Variants in METTL24 observed in about 807,000 individuals in gnomAD.
METTL24 encodes methyltransferase like 24.
METTL24 carries 29 observed loss-of-function variants against 32.7 expected under a neutral mutation model. The observed-to-expected ratio is 0.89, with a 90% CI of 0.66 to 1.21. METTL24 has a LOEUF of 1.21. Ranked by LOEUF, METTL24 falls within the 50% of genes most tolerant of loss-of-function variation. The probability of loss-of-function intolerance (pLI) is 0.00; values close to 1 mark genes in which losing one functional copy is unlikely to be tolerated. For synonymous variants in METTL24, 163 were observed against 179.5 expected, an observed-to-expected ratio of 0.91 and a Z score of 0.73; for missense variants, 439 against 468.1, an observed-to-expected ratio of 0.94 and a Z score of 0.57.
At chr6:110,256,630 T>C (rs1452249322) in intron 4 of METTL24, among the ~76,000 whole-genome samples, 5 of 152,062 alleles carry the variant, frequency 3.3e-5, no homozygotes, top group Non-Finnish European at 7.4e-5. Context: ...TGGCCTTCCA[T>C]CCTCCACCTC....
At chr6:110,295,739 G>T (rs1771400201) in intron 4 of METTL24, among the ~76,000 whole-genome samples, 1 of 149,594 alleles carries the variant, frequency 6.7e-6, no homozygotes, top group Non-Finnish European at 1.5e-5. Flanking sequence ...TAGGTGGTTA[G>T]CAACTTCCAG....
intron 3 of METTL24, among the ~76,000 whole-genome samples, chr6:110,299,670 A>T (rs910868185): frequency 2.0e-5 from 3 of 152,224 alleles, no homozygotes; most frequent in Non-Finnish European, 4.4e-5. Flanking sequence ...AAAAAAGGCA[A>T]ATGTATGTGA....
intron 4 of METTL24, among the ~76,000 whole-genome samples, chr6:110,255,011 A>G (rs1778356136): frequency 6.6e-6 from 1 of 152,314 alleles, no homozygotes; most frequent in East Asian, 1.9e-4. Context: ...ACCCTAAATC[A>G]GTTTCAATTA....
intron 3 of METTL24, among the ~76,000 whole-genome samples, chr6:110,312,884 C>T (rs1457071399): frequency 1.3e-5 from 2 of 152,226 alleles, no homozygotes; most frequent in Non-Finnish European, 2.9e-5. Flanking sequence ...TGAAAGTACA[C>T]TCCACAGTGT....
chr6:110,332,528 A>G (rs1368938290), intron 1 of METTL24: 4 of 973,450 alleles, frequency 4.1e-6, no homozygotes, highest in Middle Eastern at 5.2e-4. Context: ...AAAGTTTCAG[A>G]TGTCAAATTA....
rs371818490 is a variant in METTL24, at chr6:110,357,908, A to T, written c.318+47T>A. 537 of 1,109,726 alleles carry T rather than the reference A, an allele frequency of 4.8e-4. 1 individual carries two copies. The highest frequency in any genetic ancestry group is 5.9e-4 in the Non-Finnish European group (525 of 888,004). 68.7% of individuals were successfully genotyped at this position (1,109,726 alleles called of 1,614,324 possible). ...CGCCGGGCTCCGTAGCGCGGTCGGG[A>T]GGGGGCTTCTGGTCCCAGGCCCAAG... On this transcript the variant is annotated intron_variant, in intron 1 of 4. Coordinates refer to ENST00000338882, the MANE Select transcript of METTL24 (RefSeq NM_001123364.3).
intron 1 of METTL24, among the ~76,000 whole-genome samples, chr6:110,347,563 A>C (rs1318699296): frequency 6.6e-6 from 1 of 152,224 alleles, no homozygotes; most frequent in Non-Finnish European, 1.5e-5. Context: ...CAAGACTGGA[A>C]AAACAATTTA....
intron 3 of METTL24, among the ~76,000 whole-genome samples, chr6:110,306,352 AAAAAG>A (rs1427555560): frequency 6.6e-6 from 1 of 151,510 alleles, no homozygotes; most frequent in Non-Finnish European, 1.5e-5. Flanking sequence ...TAAAACTAAA[AAAAAG>A]AAAACAGTTT....
chr6:110,328,886 T>G (rs1006908169), intron 1 of METTL24, among the ~76,000 whole-genome samples: 7 of 152,204 alleles, frequency 4.6e-5, no homozygotes, highest in African/African-American at 1.7e-4. Context: ...GCTTCCTCCT[T>G]CACAGACCAT....
intron 3 of METTL24, among the ~76,000 whole-genome samples, chr6:110,309,256 C>T (rs1014552292): frequency 2.0e-5 from 3 of 152,106 alleles, no homozygotes; most frequent in Non-Finnish European, 4.4e-5. Flanking sequence ...GAGTTTCAGT[C>T]CTCCATTCTT....
At chr6:110,349,981 T>A (rs1027789678) in intron 1 of METTL24, among the ~76,000 whole-genome samples, 4 of 152,240 alleles carry the variant, frequency 2.6e-5, no homozygotes, top group Admixed American at 1.3e-4. Flanking sequence ...TGGATGCCTC[T>A]GATAGAACCT....
intron 2 of METTL24, among the ~76,000 whole-genome samples, chr6:110,317,758 T>A (rs1411429338): frequency 6.6e-6 from 1 of 152,088 alleles, no homozygotes; most frequent in East Asian, 1.9e-4. Context: ...AGCTCTAACC[T>A]TTCCCACAGT....
At chr6:110,248,203 A>C (rs1366619959) in intron 4 of METTL24, among the ~76,000 whole-genome samples, 1 of 152,208 alleles carries the variant, frequency 6.6e-6, no homozygotes, top group African/African-American at 2.4e-5. Flanking sequence ...AGCCTGCAGA[A>C]CCATAAGCCA....
chr6:110,357,225 C>CTTA (rs994978055), intron 1 of METTL24: 5 of 152,254 alleles, frequency 3.3e-5, no homozygotes, highest in African/African-American at 1.2e-4. Context: ...AGCCCAAAAC[C>CTTA]TTAACAATCA....
chr6:110,287,946 G>A (rs1022780190), intron 4 of METTL24, among the ~76,000 whole-genome samples: 1 of 152,118 alleles, frequency 6.6e-6, no homozygotes, highest in African/African-American at 2.4e-5. Flanking sequence ...AGACCAGCAG[G>A]GAACACTTTT....
intron 2 of METTL24, among the ~76,000 whole-genome samples, chr6:110,317,194 T>G (rs1273966552): frequency 2.0e-5 from 3 of 152,178 alleles, no homozygotes; most frequent in Non-Finnish European, 4.4e-5. Flanking sequence ...CTTCTCTATC[T>G]CCAACAACTG....
chr6:110,341,151 C>T (rs933319196), intron 1 of METTL24, among the ~76,000 whole-genome samples: 36 of 152,050 alleles, frequency 2.4e-4, no homozygotes, highest in Middle Eastern at 3.4e-3. Context: ...ACAAATTATA[C>T]ATATAGATGG....
chr6:110,319,162 C>T (rs946493594), intron 2 of METTL24, among the ~76,000 whole-genome samples: 3 of 152,052 alleles, frequency 2.0e-5, no homozygotes, highest in Non-Finnish European at 4.4e-5. Context: ...CAATGATCTG[C>T]GTGTTTACAG....
chr6:110,320,235 G>A (rs1357743899), intron 2 of METTL24, among the ~76,000 whole-genome samples: 2 of 152,140 alleles, frequency 1.3e-5, no homozygotes, highest in African/African-American at 4.8e-5. Flanking sequence ...TACCTTCAGA[G>A]CTTTTATTTT....
Sources: gnomAD v4.1 joint callset for allele counts (sites outside exome capture counted in the v4.1 genomes callset) on GRCh38, gnomAD v4.1.1 for gene constraint, MANE v1.5 for transcripts, NCBI Gene and HGNC (gene_info 2026-07-23, HGNC 2026-07-21) for gene names.